CYP7B1: variants seen among roughly 807,000 people sequenced by gnomAD.
CYP7B1 encodes cytochrome P450 7B1.
CYP7B1 carries 29 observed loss-of-function variants against 42.7 expected under a neutral mutation model. That is an observed-to-expected ratio of 0.68 (90% CI 0.51 to 0.93). The LOEUF is 0.93. Ranked by LOEUF, CYP7B1 falls within the 40% of genes least tolerant of loss-of-function variation. CYP7B1 has a pLI of 0.00. For missense variants in CYP7B1, 655 were observed against 600.5 expected (o/e 1.09, Z -0.95); for synonymous variants, 235 against 218.2 (o/e 1.08, Z -0.68).
intron 1 of CYP7B1, among the ~76,000 whole-genome samples, chr8:64,692,213 A>G (rs1806757254): frequency 6.6e-6 from 1 of 152,224 alleles, no homozygotes; most frequent in African/African-American, 2.4e-5. Context: ...CATGTCAATA[A>G]GGGGATACCC....
At chr8:64,627,732 G>C (rs1163239439) in intron 1 of CYP7B1, among the ~76,000 whole-genome samples, 1 of 152,110 alleles carries the variant, frequency 6.6e-6, no homozygotes. Context: ...ATTTCTTACA[G>C]CTGTGTTTAT....
intron 1 of CYP7B1, among the ~76,000 whole-genome samples, chr8:64,769,094 A>C (rs893007694): frequency 6.6e-6 from 1 of 152,248 alleles, no homozygotes; most frequent in Non-Finnish European, 1.5e-5. Flanking sequence ...GATTATTGTT[A>C]AATTATCACA....
intron 1 of CYP7B1, among the ~76,000 whole-genome samples, chr8:64,651,218 A>G (rs941419874): frequency 1.3e-5 from 2 of 152,192 alleles, no homozygotes; most frequent in Admixed American, 1.3e-4. Context: ...TCAGTCTTCT[A>G]TTATGCAGGG....
intron 1 of CYP7B1, among the ~76,000 whole-genome samples, chr8:64,778,617 A>T (rs1315994030): frequency 6.6e-6 from 1 of 152,004 alleles, no homozygotes; most frequent in Non-Finnish European, 1.5e-5. Context: ...AACACACTAA[A>T]CTGTCTATAA....
intron 1 of CYP7B1, among the ~76,000 whole-genome samples, chr8:64,685,887 C>T (rs1806626324): frequency 2.4e-5 from 1 of 41,992 alleles, no homozygotes; most frequent in African/African-American, 1.1e-4. Flanking sequence ...GGGGGTCAGC[C>T]CCCCGCCTGG....
intron 1 of CYP7B1, among the ~76,000 whole-genome samples, chr8:64,682,457 A>G (rs1302909047): frequency 2.6e-5 from 4 of 152,328 alleles, no homozygotes; most frequent in Admixed American, 2.0e-4. Context: ...TTCTGATCAG[A>G]TATTTCCTCC....
At chr8:64,647,347 A>C (rs899283920) in intron 1 of CYP7B1, among the ~76,000 whole-genome samples, 1 of 152,236 alleles carries the variant, frequency 6.6e-6, no homozygotes, top group Non-Finnish European at 1.5e-5. Context: ...AATTATCAAA[A>C]TGTGACACAA....
intron 1 of CYP7B1, among the ~76,000 whole-genome samples, chr8:64,711,407 C>T (rs543751015): frequency 6.6e-6 from 1 of 152,282 alleles, no homozygotes; most frequent in East Asian, 1.9e-4. Flanking sequence ...AGCCCACCAC[C>T]GCTGCTTCCT....
intron 1 of CYP7B1, among the ~76,000 whole-genome samples, chr8:64,647,168 G>A (rs1207649200): frequency 6.6e-6 from 1 of 152,116 alleles, no homozygotes; most frequent in Non-Finnish European, 1.5e-5. Context: ...GGAATGGTTG[G>A]TCAGTGGAGC....
At chr8:64,628,924 C>A (rs181505456) in intron 1 of CYP7B1, among the ~76,000 whole-genome samples, 4 of 152,052 alleles carry the variant, frequency 2.6e-5, no homozygotes, top group Non-Finnish European at 4.4e-5. Context: ...ATTTTTTCCC[C>A]TCAACATTTA....
At chr8:64,766,328 C>T (rs1167401159) in intron 1 of CYP7B1, among the ~76,000 whole-genome samples, 5 of 152,152 alleles carry the variant, frequency 3.3e-5, no homozygotes, top group Admixed American at 2.6e-4. Flanking sequence ...CTCTCTGTCA[C>T]CTGATTCTAT....
chr8:64,618,923 A>T (rs188751530), intron 2 of CYP7B1, among the ~76,000 whole-genome samples: 1 of 152,150 alleles, frequency 6.6e-6, no homozygotes, highest in East Asian at 1.9e-4. Context: ...GTGTCCTTCA[A>T]TATCAAGGCA....
intron 2 of CYP7B1, among the ~76,000 whole-genome samples, chr8:64,620,543 T>C (rs1805514224): frequency 6.6e-6 from 1 of 152,226 alleles, no homozygotes; most frequent in African/African-American, 2.4e-5. Flanking sequence ...TTTTAATTTC[T>C]TTATTAAGAT....
At position 64,687,222 on chromosome 8, in the gene CYP7B1, G is replaced by T. The variant is rs1806667416; in HGVS notation, c.123-62683C>A. Among the ~76,000 whole-genome samples the T allele has an allele frequency of 3.3e-5, 5 of 152,326 alleles. No homozygotes were observed. The South Asian group carries it at 1.0e-3, about 32-fold the overall frequency. ...CTGATGAATGGATAAAGAAGATGTG[G>T]TATATCTGCACAATGGAATATTATT... On this transcript the variant is annotated intron_variant, in intron 1 of 5. Coordinates refer to ENST00000310193, the MANE Select transcript of CYP7B1 (RefSeq NM_004820.5).
chr8:64,621,035 A>G (rs192167379), intron 2 of CYP7B1, among the ~76,000 whole-genome samples: 3 of 152,356 alleles, frequency 2.0e-5, no homozygotes, highest in Admixed American at 1.3e-4. Flanking sequence ...TGTTCTATCT[A>G]TTCATTAGAA....
chr8:64,624,346 TA>T (rs1177135113), intron 2 of CYP7B1, 56 bp downstream of exon 2: 57 of 1,540,994 alleles, frequency 3.7e-5, no homozygotes, highest in Non-Finnish European at 4.7e-5. Flanking sequence ...AGAAAGACAT[TA>T]AAGAACAAGT....
At chr8:64,794,828 T>C (rs1055230169) in intron 1 of CYP7B1, among the ~76,000 whole-genome samples, 5 of 152,156 alleles carry the variant, frequency 3.3e-5, no homozygotes, top group Non-Finnish European at 7.3e-5. Context: ...TAAGCTTCCA[T>C]GAGTTCAGAA....
intron 4 of CYP7B1, among the ~76,000 whole-genome samples, chr8:64,606,404 T>C (rs933546459): frequency 1.3e-5 from 2 of 152,212 alleles, no homozygotes; most frequent in African/African-American, 4.8e-5. Context: ...AGCATCCTTT[T>C]AGCTTGTGGT....
At chr8:64,622,437 GC>G in intron 2 of CYP7B1, among the ~76,000 whole-genome samples, 1 of 152,344 alleles carries the variant, frequency 6.6e-6, no homozygotes, top group South Asian at 2.1e-4. Context: ...TAAAGGAGTA[GC>G]AGAGTATTTC....
Sources: allele counts gnomAD v4.1 joint callset (sites outside exome capture counted in the v4.1 genomes callset), GRCh38; gene constraint gnomAD v4.1.1; transcripts MANE v1.5; gene names NCBI Gene and HGNC (gene_info 2026-07-23, HGNC 2026-07-21).